NUP205: variants seen among roughly 807,000 people sequenced by gnomAD.
The protein encoded by NUP205 is nucleoporin 205, also known as nuclear pore complex protein Nup205.
NUP205 carries 76 observed loss-of-function variants against 253.8 expected under a neutral mutation model. That is an observed-to-expected ratio of 0.30 (90% CI 0.25 to 0.36). The LOEUF (loss-of-function observed/expected upper bound fraction) is 0.36. NUP205 is among the 10% of genes least tolerant of loss of function. The probability of loss-of-function intolerance (pLI) is 1.00; values close to 1 mark genes in which losing one functional copy is unlikely to be tolerated. For missense variants in NUP205, 2,162 were observed against 2,425.5 expected (o/e 0.89, Z 2.28); for synonymous variants, 832 against 850.1 (o/e 0.98, Z 0.37).
intron 17 of NUP205, among the ~76,000 whole-genome samples, chr7:135,601,988 ATCT>A (rs1383744854): frequency 6.6e-6 from 1 of 152,214 alleles, no homozygotes; most frequent in Non-Finnish European, 1.5e-5. Flanking sequence ...AATGTGTTAG[ATCT>A]TCTTATTTCC....
chr7:135,587,891 G>C lies in NUP205; in HGVS notation c.1372G>C (p.Glu458Gln), dbSNP rs771366209. The C allele has an allele frequency of 1.2e-6, 2 of 1,613,748 alleles. No homozygotes were observed. The highest frequency in any genetic ancestry group is 1.1e-5 in the South Asian group (1 of 91,014). Residue 458 changes from glutamate to glutamine, a missense_variant, in exon 10 of 43, where the codon GAG (glutamate) becomes CAG (glutamine). Glu to Gln is a conservative substitution (Grantham distance 29). Around this residue, in one of 5 missense-constraint regions of NUP205, gnomAD observed 892 missense variants for 957.1 expected, o/e 0.93. Coordinates refer to ENST00000285968, the MANE Select transcript of NUP205 (RefSeq NM_015135.3). ...ELYKKNPFHLELALEYWCPTE... is the reference protein window; with the variant it reads ...ELYKKNPFHLQLALEYWCPTE... ...ATATAAAAAGAACCCTTTTCATCTG[G>C]AGCTTGCTCTAGAATATTGGTGTCC...
chr7:135,635,277 A>C, intron 35 of NUP205: 1 of 185,090 alleles, frequency 5.4e-6, no homozygotes, highest in African/African-American at 2.3e-5. Context: ...TTTATGAGAA[A>C]GTAATTTAGA....
In NUP205 at chr7:135,630,438, T is replaced by C; in HGVS notation, c.5027T>C (p.Leu1676Pro). 1 of 1,610,038 alleles carries C rather than the reference T, an allele frequency of 6.2e-7. No homozygotes were observed. The highest frequency in any genetic ancestry group is 8.5e-7 in the Non-Finnish European group (1 of 1,177,512). ...GGGTCTTTGCAGGAATTGGCTCTGC[T>C]GACAGGAATTATAAGTAAAGCAGCA... is the stretch of plus-strand genomic sequence containing the variant. ...SAGSLQELALLTGIISKAALP... is the reference protein window; with the variant it reads ...SAGSLQELALPTGIISKAALP... The change falls in exon 35 of 43, where the codon CTG becomes CCG. Residue 1676 changes from leucine (L) to proline (P), a missense_variant. By Grantham distance (98) the Leu-to-Pro change is moderately conservative (BLOSUM62 -3). Coordinates refer to ENST00000285968, the MANE Select transcript of NUP205 (RefSeq NM_015135.3).
intron 15 of NUP205, among the ~76,000 whole-genome samples, chr7:135,599,686 T>C (rs1793923972): frequency 6.6e-6 from 1 of 152,246 alleles, no homozygotes; most frequent in Admixed American, 6.5e-5. Flanking sequence ...TTTTCACCCA[T>C]GCAGAGCCAC....
At chr7:135,641,737 T>TGGATCACCTGAGCCCAGGAGG (rs1563140691) in intron 38 of NUP205, among the ~76,000 whole-genome samples, 1 of 151,444 alleles carries the variant, frequency 6.6e-6, no homozygotes. Context: ...GAGGTTGAGG[T>TGGATCACCTGAGCCCAGGAGG]TGCAGTGATC....
At chr7:135,609,276 A>C (rs964451186) in intron 22 of NUP205, among the ~76,000 whole-genome samples, 1 of 151,602 alleles carries the variant, frequency 6.6e-6, no homozygotes, top group Non-Finnish European at 1.5e-5. Context: ...AAAATACAAA[A>C]ATTCATCCTG....
intron 28 of NUP205, 36 bp downstream of exon 28, chr7:135,618,639 C>T (rs368388483): frequency 7.5e-5 from 110 of 1,463,300 alleles, no homozygotes; most frequent in Non-Finnish European, 9.0e-5. Flanking sequence ...TACTGCTGAA[C>T]GAATGTATCA....
At chr7:135,610,927 A>G (rs1429801908) in intron 22 of NUP205, among the ~76,000 whole-genome samples, 3 of 151,764 alleles carry the variant, frequency 2.0e-5, no homozygotes, top group Non-Finnish European at 4.4e-5. Flanking sequence ...CTTGGAAACC[A>G]GGAAGGATAT....
chr7:135,570,696 A>AT (rs1198198612), intron 1 of NUP205, among the ~76,000 whole-genome samples: 27 of 52,490 alleles, frequency 5.1e-4, no homozygotes, highest in East Asian at 3.5e-3. Context: ...ATATTAATAT[A>AT]ATTAATTATA....
intron 8 of NUP205, among the ~76,000 whole-genome samples, chr7:135,586,101 A>G (rs1806455157): frequency 1.3e-5 from 2 of 150,806 alleles, no homozygotes; most frequent in Admixed American, 6.6e-5. Flanking sequence ...TTTTGTGTTT[A>G]TATTATAAAA....
Position 135,570,898 on chromosome 7 carries a change from AT to A in NUP205, c.29-204del, listed in dbSNP as rs1185158559. Among the ~76,000 whole-genome samples, 13 of 124,320 alleles carry A rather than the reference AT, an allele frequency of 1.0e-4. 1 individual carries two copies. The highest frequency in any genetic ancestry group is 3.7e-4 in the African/African-American group (12 of 32,594). 81.6% of individuals were successfully genotyped at this position (124,320 alleles called of 152,430 possible). On this transcript the variant is annotated intron_variant, in intron 1 of 42. Transcript: ENST00000285968. The stretch of plus-strand genomic sequence containing the variant: ...ATATGTAATATATTATATATTATAT[AT>A]TTATATATAATATATTAATATAATA...
intron 1 of NUP205, among the ~76,000 whole-genome samples, chr7:135,560,733 C>T (rs549419816): frequency 5.9e-5 from 9 of 152,088 alleles, no homozygotes; most frequent in Non-Finnish European, 1.3e-4. Flanking sequence ...TCACAAGACA[C>T]AAATACTACA....
At position 135,625,344 on chromosome 7, in the gene NUP205, G is replaced by A; in HGVS notation, c.4660G>A (p.Glu1554Lys). The change falls in exon 32 of 43, where the codon GAA (glutamate) becomes AAA (lysine). Residue 1554 changes from glutamate to lysine, a missense_variant. Around this residue, in one of 5 missense-constraint regions of NUP205, gnomAD observed 1,144 missense variants for 1,280.9 expected, o/e 0.89. Coordinates refer to ENST00000285968, the MANE Select transcript of NUP205 (RefSeq NM_015135.3). ...PPLLKALYTY[E>K]SKMAFLTRVA... The stretch of plus-strand genomic sequence containing the variant: ...CCTTTTAAAAGCACTTTATACTTAT[G>A]AATCTAAAATGGTAAGGCTTTCTAG... 6.3e-7 allele frequency: 1 copy of A among 1,590,714 alleles called. No homozygotes were observed. Among genetic ancestry groups the A allele is most frequent in the Non-Finnish European group, 8.5e-7 (1 of 1,171,400 alleles).
rs1793864067 is a variant in NUP205 at position 135,597,372 on chromosome 7, T to A, written c.2018T>A (p.Leu673Gln). 6.2e-7 allele frequency: 1 copy of A among 1,609,796 alleles called. No homozygotes were observed. Among genetic ancestry groups the A allele is most frequent in the Non-Finnish European group, 8.5e-7 (1 of 1,176,132 alleles). ...TCTACTTCTTACTATTTTAAGATACTGCAGACCGTGAGGATTCCAAGCCAA... is the reference window on the plus strand; with the variant it reads ...TCTACTTCTTACTATTTTAAGATACAGCAGACCGTGAGGATTCCAAGCCAA... Reference protein sequence around the residue: ...LWQSLEYTQILQTVRIPSQRQ... With the variant: ...LWQSLEYTQIQQTVRIPSQRQ... The change falls in exon 14 of 43, where the codon CTG (leucine) becomes CAG (glutamine). Residue 673 changes from leucine to glutamine, a missense_variant. Physicochemically the swap from Leu to Gln is moderately radical, Grantham distance 113. Around this residue, in one of 5 missense-constraint regions of NUP205, gnomAD observed 892 missense variants for 957.1 expected, o/e 0.93. Transcript: ENST00000285968.
chr7:135,620,655 A>G (rs982552248), intron 30 of NUP205, among the ~76,000 whole-genome samples: 3 of 152,204 alleles, frequency 2.0e-5, no homozygotes, highest in Admixed American at 1.3e-4. Context: ...AACTTTTTTT[A>G]TATGCCTATA....
chr7:135,606,109 A>G, intron 19 of NUP205, 36 bp from the exon 20 acceptor site: 1 of 1,343,904 alleles, frequency 7.4e-7, no homozygotes. Flanking sequence ...AGAAACCTGT[A>G]ATAATTTGTC....
At chr7:135,581,342 A>G (rs1191123138) in intron 7 of NUP205, among the ~76,000 whole-genome samples, 7 of 152,100 alleles carry the variant, frequency 4.6e-5, no homozygotes, top group Non-Finnish European at 7.3e-5. Context: ...CCAGGAGTTC[A>G]TGACAAACCT....
intron 17 of NUP205, among the ~76,000 whole-genome samples, chr7:135,602,519 A>G (rs112526722): frequency 2.6e-5 from 4 of 152,378 alleles, no homozygotes; most frequent in East Asian, 1.9e-4. Context: ...GCTCTAAACA[A>G]TAAGGGAAAA....
At chr7:135,624,033 C>T (rs181919096) in intron 31 of NUP205, among the ~76,000 whole-genome samples, 2,034 of 152,154 alleles carry the variant, frequency 0.013, 43 homozygotes, top group African/African-American at 0.047. Context: ...CCTCCCGCCT[C>T]GGCCTCCCAA....
Sources: gnomAD v4.1 joint callset for allele counts (sites outside exome capture counted in the v4.1 genomes callset) on GRCh38, gnomAD v4.1.1 for gene constraint, gnomAD v4.1.1 regional missense constraint, MANE v1.5 for transcripts, NCBI Gene and HGNC (gene_info 2026-07-23, HGNC 2026-07-21) for gene names.